Variants in PDLIM5 observed in about 807,000 individuals in gnomAD.
PDLIM5 encodes PDZ and LIM domain protein 5.
PDLIM5 carries 34 observed loss-of-function variants against 64.2 expected under a neutral mutation model. That is an observed-to-expected ratio of 0.53 (90% confidence interval 0.40 to 0.71). The LOEUF is 0.71. Ranked by LOEUF, PDLIM5 falls within the 30% of genes least tolerant of loss-of-function variation. The pLI is 0.00. For synonymous variants in PDLIM5, 253 were observed against 269.1 expected (o/e 0.94, Z 0.59); for missense variants, 683 against 733.6 (o/e 0.93, Z 0.80).
intron 2 of PDLIM5, among the ~76,000 whole-genome samples, chr4:94,472,856 ATATT>A (rs1485423732): frequency 6.6e-5 from 10 of 152,246 alleles, no homozygotes; most frequent in African/African-American, 2.4e-4. Flanking sequence ...CATTCCACAA[ATATT>A]TATTGAACAT....
intron 5 of PDLIM5, chr4:94,582,519 G>T (rs3857212): frequency 0.99 from 488,430 of 493,916 alleles, 241,558 homozygotes; most frequent in East Asian, 1. Flanking sequence ...TTCATTTTTT[G>T]GTCTGTGTTT....
intron 2 of PDLIM5, among the ~76,000 whole-genome samples, chr4:94,461,902 TCACC>T (rs1156332974): frequency 1.3e-5 from 2 of 152,224 alleles, no homozygotes; most frequent in African/African-American, 4.8e-5. Context: ...CTGCAGCGTG[TCACC>T]CAGGCGGGAG....
intron 7 of PDLIM5, among the ~76,000 whole-genome samples, chr4:94,588,563 C>CTAAA (rs70946537): frequency 0.083 from 12,170 of 145,884 alleles, 545 homozygotes; most frequent in Non-Finnish European, 0.099. Flanking sequence ...AACTCCATCT[C>CTAAA]TAAATAAATA....
At chr4:94,454,816 A>G (rs541160162) in intron 1 of PDLIM5, among the ~76,000 whole-genome samples, 5 of 152,332 alleles carry the variant, frequency 3.3e-5, no homozygotes, top group Non-Finnish European at 5.9e-5. Context: ...GTAACTTAGA[A>G]TTTAAGTAAG....
At chr4:94,524,000 T>C in intron 3 of PDLIM5, 125 bp downstream of exon 3, 1 of 627,640 alleles carries the variant, frequency 1.6e-6, no homozygotes, top group South Asian at 2.5e-5. Context: ...AAATAAAAAA[T>C]ATAATGGCTC....
At chr4:94,625,115 A>C (rs1037022748) in intron 8 of PDLIM5, among the ~76,000 whole-genome samples, 3 of 152,204 alleles carry the variant, frequency 2.0e-5, no homozygotes. Flanking sequence ...CTTTAACCTA[A>C]CTGGGCTGCT....
At chr4:94,603,116 G>A (rs1683805709) in intron 7 of PDLIM5, among the ~76,000 whole-genome samples, 1 of 152,132 alleles carries the variant, frequency 6.6e-6, no homozygotes, top group African/African-American at 2.4e-5. Flanking sequence ...AATTGGTGTG[G>A]AAAGATAATT....
intron 7 of PDLIM5, among the ~76,000 whole-genome samples, chr4:94,598,588 A>G (rs1442651984): frequency 8.5e-5 from 13 of 152,146 alleles, no homozygotes; most frequent in Admixed American, 7.9e-4. Context: ...TGTTTAGCAT[A>G]TATTATATAT....
rs866159544 is a variant in PDLIM5 at position 94,625,521 on chromosome 4, A to C, written c.1108+7330A>C. On this transcript the variant is annotated intron_variant, in intron 8 of 12. Transcript: ENST00000317968. ...AGGCTGGAGTGCAGTGGCGCTATTT[A>C]GGCTCACTGCAAGCTCCACCTCCCA... is the stretch of plus-strand genomic sequence containing the variant. Among the ~76,000 whole-genome samples the C allele has an allele frequency of 9.0e-4, 133 of 148,016 alleles. 2 individuals are homozygous for C. Among genetic ancestry groups the C allele is most frequent in the African/African-American group, 3.0e-3 (120 of 39,918 alleles).
rs1730558758 is a variant in PDLIM5, at chr4:94,528,344, A to G, written c.248+4469A>G. Reference sequence around the variant, plus strand: ...GCCATTCAGTTCAGCGTTTAATTATACACTAGGTATAATCAGGAATAACAA... The same window carrying G: ...GCCATTCAGTTCAGCGTTTAATTATGCACTAGGTATAATCAGGAATAACAA... On this transcript the variant is annotated intron_variant, in intron 3 of 12. Transcript: ENST00000317968. Among the ~76,000 whole-genome samples, 3 of 152,034 alleles carry G rather than the reference A, an allele frequency of 2.0e-5. No homozygotes were observed. In the South Asian group the frequency reaches 6.2e-4, roughly 32 times the overall value.
At chr4:94,452,229 C>A (rs1461225033) in intron 1 of PDLIM5, among the ~76,000 whole-genome samples, 2 of 152,172 alleles carry the variant, frequency 1.3e-5, no homozygotes, top group Non-Finnish European at 2.9e-5. Flanking sequence ...CGCATGAGGC[C>A]AGAGGGCGAG....
At chr4:94,541,874 T>C (rs1731836111) in intron 3 of PDLIM5, among the ~76,000 whole-genome samples, 1 of 152,198 alleles carries the variant, frequency 6.6e-6, no homozygotes, top group Non-Finnish European at 1.5e-5. Context: ...AGAATCATGG[T>C]CTCCAAGTTT....
chr4:94,594,248 T>C (rs1736888261), intron 7 of PDLIM5, among the ~76,000 whole-genome samples: 1 of 152,174 alleles, frequency 6.6e-6, no homozygotes, highest in African/African-American at 2.4e-5. Context: ...GTGAAAGACT[T>C]TTTTTCATTA....
At position 94,640,404 on chromosome 4, in the gene PDLIM5, G is replaced by T; in HGVS notation, c.1237G>T (p.Ala413Ser). ...TLVQRAEHIP[A>S]GKRTPMCAHC... Reference sequence around the variant, plus strand: ...AGTGCAAAGAGCTGAGCACATTCCAGCAGGGAAACGAACTCCGATGTGCGC... The same window carrying T: ...AGTGCAAAGAGCTGAGCACATTCCATCAGGGAAACGAACTCCGATGTGCGC... The change falls in exon 9 of 13, where the codon GCA becomes TCA. Residue 413 changes from alanine (A) to serine (S), a missense_variant. Ala to Ser is a moderately conservative substitution (Grantham distance 99). Coordinates refer to ENST00000317968, the MANE Select transcript of PDLIM5 (RefSeq NM_006457.5). 1 of 1,611,068 alleles carries T rather than the reference G, an allele frequency of 6.2e-7. No homozygotes were observed. Among genetic ancestry groups the T allele is most frequent in the Middle Eastern group, 1.7e-4 (1 of 6,050 alleles).
chr4:94,571,460 C>G (rs1734792822), intron 3 of PDLIM5, among the ~76,000 whole-genome samples: 1 of 152,154 alleles, frequency 6.6e-6, no homozygotes, highest in Non-Finnish European at 1.5e-5. Context: ...TGGCTTCACA[C>G]CAAGGAGGGT....
chr4:94,484,405 A>G (rs1292061349), intron 2 of PDLIM5, among the ~76,000 whole-genome samples: 2 of 152,316 alleles, frequency 1.3e-5, no homozygotes, highest in East Asian at 3.9e-4. Flanking sequence ...TGAAAATACG[A>G]ACTTTGGAGG....
intron 7 of PDLIM5, among the ~76,000 whole-genome samples, chr4:94,589,475 T>C (rs968021203): frequency 6.6e-6 from 1 of 152,222 alleles, no homozygotes; most frequent in Non-Finnish European, 1.5e-5. Flanking sequence ...GACATTCCAT[T>C]TGACCCTGTC....
rs113546488 is a variant in PDLIM5, at chr4:94,505,466, T to C, written c.97-18258T>C. 3.7e-3 allele frequency among the ~76,000 whole-genome samples: 559 copies of C among 152,250 alleles called. 2 individuals are homozygous for C. Among genetic ancestry groups the C allele is most frequent in the African/African-American group, 0.013 (524 of 41,540 alleles). On this transcript the variant is annotated intron_variant, in intron 2 of 12. Transcript: ENST00000317968. The stretch of plus-strand genomic sequence containing the variant: ...TAGTAGAGATAGGGTTTTGTCATAT[T>C]GGCCAGGCTGATGTTGAACTTCTAG...
At position 94,617,759 on chromosome 4, in the gene PDLIM5, A is replaced by T. The variant is rs1578479496; in HGVS notation, c.921-245A>T. On this transcript the variant is annotated intron_variant, in intron 7 of 12. Coordinates refer to ENST00000317968, the MANE Select transcript of PDLIM5 (RefSeq NM_006457.5). ...TAACTGTGTAAATTTTCAGTAGCCT[A>T]ATTTCTCATGGTAGACCTTTTAGAA... Among the ~76,000 whole-genome samples, 4 of 152,210 alleles carry T rather than the reference A, an allele frequency of 2.6e-5. No homozygotes were observed. The East Asian group carries it at 5.8e-4, about 22-fold the overall frequency.
Sources: allele counts gnomAD v4.1 joint callset (sites outside exome capture counted in the v4.1 genomes callset), GRCh38; gene constraint gnomAD v4.1.1; transcripts MANE v1.5; gene names NCBI Gene and HGNC (gene_info 2026-07-23, HGNC 2026-07-21).